PRDM5: variants seen among roughly 807,000 people sequenced by gnomAD.
PRDM5 encodes the protein PR domain zinc finger protein 5.
A neutral mutation model predicts 81.2 loss-of-function variants in PRDM5; 56 were observed. That is an observed-to-expected ratio of 0.69 (90% confidence interval 0.56 to 0.86). PRDM5 has a LOEUF of 0.86. PRDM5 is among the 40% of genes least tolerant of loss of function. The probability of loss-of-function intolerance (pLI) is 0.00; values close to 1 mark genes in which losing one functional copy is unlikely to be tolerated. For synonymous variants in PRDM5, 267 were observed against 256.4 expected (o/e 1.04, Z -0.39); for missense variants, 697 against 770.1 (o/e 0.91, Z 1.12).
At chr4:120,856,016 T>C (rs187577990) in intron 2 of PRDM5, among the ~76,000 whole-genome samples, 5 of 152,364 alleles carry the variant, frequency 3.3e-5, no homozygotes, top group Admixed American at 1.3e-4. Flanking sequence ...CTCTGTGACT[T>C]ATTATAGTAA....
intron 2 of PRDM5, among the ~76,000 whole-genome samples, chr4:120,905,107 TAA>T (rs1194644524): frequency 6.6e-6 from 1 of 152,142 alleles, no homozygotes; most frequent in Non-Finnish European, 1.5e-5. Flanking sequence ...TACATAAAAG[TAA>T]ACAAAACAGC....
rs538890791 is a variant in PRDM5 at position 120,901,655 on chromosome 4, C to A, written c.177+5819G>T. On this transcript the variant is annotated intron_variant, in intron 2 of 15. Transcript: ENST00000264808. ...AATGTTCCTTGTGTTGAGATAAATA[C>A]CTTTTTAGCATAAGTTATGGATGAT... Among the ~76,000 whole-genome samples, 181 of 152,254 alleles carry A rather than the reference C, an allele frequency of 1.2e-3. 1 individual carries two copies. The highest frequency in any genetic ancestry group is 4.2e-3 in the African/African-American group (174 of 41,544).
intron 14 of PRDM5, among the ~76,000 whole-genome samples, chr4:120,738,676 ACAACAG>A (rs1741465601): frequency 6.6e-6 from 1 of 152,206 alleles, no homozygotes; most frequent in Non-Finnish European, 1.5e-5. Context: ...ATATTGAGAT[ACAACAG>A]CTAACTTCTC....
Position 120,816,707 on chromosome 4 carries a change from G to C in PRDM5, c.743+125C>G, listed in dbSNP as rs1754563951. 6.0e-6 allele frequency: 9 copies of C among 1,509,098 alleles called. 1 individual carries two copies. The South Asian group carries it at 1.0e-4, about 17-fold the overall frequency. 93.5% of individuals were successfully genotyped at this position (1,509,098 alleles called of 1,614,324 possible). ...GGTCATTCCATGCATTACCTATGCA[G>C]GTAAGAAGAAAAGCATTTAAATTCT... On this transcript the variant is annotated intron_variant, in intron 6 of 15. Coordinates refer to ENST00000264808, the MANE Select transcript of PRDM5 (RefSeq NM_018699.4).
rs886059041 is a variant in PRDM5 at position 120,781,201 on chromosome 4, C to T, written c.1385G>A (p.Arg462Lys). Residue 462 changes from arginine (R) to lysine (K), a missense_variant, in exon 12 of 16, where the codon AGG (arginine) becomes AAG (lysine). This residue lies in a region of PRDM5 where 577 missense variants were observed against 606.7 expected (regional missense o/e 0.95). Transcript: ENST00000264808. Reference sequence around the variant, plus strand: ...AAAGGCCTTATTACATAGCTCACACCTATACTTCTTGTGTCTTTCATGAAC... The same window carrying T: ...AAAGGCCTTATTACATAGCTCACACTTATACTTCTTGTGTCTTTCATGAAC... ...QVVHERHKKY[R>K]CELCNKAFVT... 4.3e-6 allele frequency: 7 copies of T among 1,613,246 alleles called. No individual in the cohort carries two copies. The South Asian group carries it at 5.5e-5, about 13-fold the overall frequency.
chr4:120,741,719 C>T (rs141899903), intron 14 of PRDM5, among the ~76,000 whole-genome samples: 5 of 152,056 alleles, frequency 3.3e-5, no homozygotes, highest in East Asian at 1.9e-4. Context: ...GCTTTTCCGA[C>T]AGGCTTAAAA....
intron 3 of PRDM5, among the ~76,000 whole-genome samples, chr4:120,849,417 G>GA (rs1759014388): frequency 6.6e-6 from 1 of 152,180 alleles, no homozygotes; most frequent in South Asian, 2.1e-4. Context: ...ACTGACAGCA[G>GA]AATTGGGGCA....
At chr4:120,727,850 C>T (rs1162735985) in intron 14 of PRDM5, among the ~76,000 whole-genome samples, 3 of 151,346 alleles carry the variant, frequency 2.0e-5, no homozygotes, top group Admixed American at 1.3e-4. Flanking sequence ...GCAGGGGAAT[C>T]GCTTGAACCC....
intron 14 of PRDM5, among the ~76,000 whole-genome samples, chr4:120,751,889 T>A (rs1561090288): frequency 6.6e-6 from 1 of 152,200 alleles, no homozygotes; most frequent in East Asian, 1.9e-4. Flanking sequence ...CCTAAAGATG[T>A]ACCTTACTGA....
At chr4:120,865,769 G>A (rs913390443) in intron 2 of PRDM5, among the ~76,000 whole-genome samples, 5 of 152,014 alleles carry the variant, frequency 3.3e-5, no homozygotes, top group Non-Finnish European at 2.9e-5. Flanking sequence ...ACTGATCTCC[G>A]GGGTTCTCAT....
At chr4:120,734,419 A>C (rs1362755361) in intron 14 of PRDM5, among the ~76,000 whole-genome samples, 254 of 110,092 alleles carry the variant, frequency 2.3e-3, no homozygotes, top group Middle Eastern at 0.01. Flanking sequence ...CACACACACA[A>C]ATACACACAC....
intron 13 of PRDM5, among the ~76,000 whole-genome samples, chr4:120,767,872 T>C (rs1223942259): frequency 6.6e-6 from 1 of 152,186 alleles, no homozygotes; most frequent in Non-Finnish European, 1.5e-5. Flanking sequence ...TGTCACAAAA[T>C]CTGATGGCTT....
intron 10 of PRDM5, among the ~76,000 whole-genome samples, chr4:120,797,459 G>A (rs1419454211): frequency 6.6e-6 from 1 of 152,082 alleles, no homozygotes; most frequent in African/African-American, 2.4e-5. Context: ...GAAATAATCA[G>A]GATGTTGGAA....
intron 2 of PRDM5, among the ~76,000 whole-genome samples, chr4:120,871,948 C>T (rs1355855697): frequency 6.6e-6 from 1 of 151,594 alleles, no homozygotes; most frequent in Non-Finnish European, 1.5e-5. Flanking sequence ...GTCAGGAGTT[C>T]GAGACCAGCC....
chr4:120,753,443 T>C (rs1447744178), intron 14 of PRDM5, among the ~76,000 whole-genome samples: 2 of 152,170 alleles, frequency 1.3e-5, no homozygotes, highest in Admixed American at 6.5e-5. Context: ...AAACCTGCTA[T>C]AGATTTGCTT....
Position 120,725,099 on chromosome 4 carries a change from A to G in PRDM5, c.1624-14686T>C, listed in dbSNP as rs577525925. ...CTGACAAAAAGTCATTCAGCCTAAA[A>G]GATTAAAACAAAGAAAAAGATGACA... On this transcript the variant is annotated intron_variant, in intron 14 of 15. Transcript: ENST00000264808. Among the ~76,000 whole-genome samples the G allele has an allele frequency of 7.2e-5, 11 of 152,342 alleles. No homozygotes were observed. In the South Asian group the frequency reaches 2.3e-3, roughly 32 times the overall value.
At chr4:120,820,272 T>G (rs778663949) in intron 4 of PRDM5, among the ~76,000 whole-genome samples, 1 of 152,188 alleles carries the variant, frequency 6.6e-6, no homozygotes, top group Admixed American at 6.5e-5. Flanking sequence ...GAAGGTGCTA[T>G]CTAATTAGAA....
chr4:120,772,891 G>A (rs925058188), intron 13 of PRDM5, among the ~76,000 whole-genome samples: 1 of 152,198 alleles, frequency 6.6e-6, no homozygotes, highest in Admixed American at 6.5e-5. Context: ...GTAATGGTGA[G>A]TAAAACTGGT....
At chr4:120,840,771 G>A (rs1757941547) in intron 3 of PRDM5, among the ~76,000 whole-genome samples, 1 of 152,206 alleles carries the variant, frequency 6.6e-6, no homozygotes, top group South Asian at 2.1e-4. Flanking sequence ...GTGGCCCCTA[G>A]GGCGGCAGGC....
Sources: allele counts gnomAD v4.1 joint callset (sites outside exome capture counted in the v4.1 genomes callset), GRCh38; gene constraint gnomAD v4.1.1; regional missense constraint gnomAD v4.1.1; transcripts MANE v1.5; gene names NCBI Gene and HGNC (gene_info 2026-07-23, HGNC 2026-07-21).